The following CCT8 variants were observed in gnomAD, a reference collection of about 807,000 sequenced individuals.
CCT8 encodes T-complex protein 1 subunit theta.
In CCT8, 10 loss-of-function variants were observed where a neutral mutation model predicts 65.7. The observed-to-expected ratio is 0.15, with a 90% confidence interval of 0.09 to 0.26. CCT8 has a LOEUF of 0.26. Ranked by LOEUF, CCT8 falls within the 10% of genes least tolerant of loss-of-function variation. The probability of loss-of-function intolerance (pLI) is 1.00; values close to 1 mark genes in which losing one functional copy is unlikely to be tolerated. For synonymous variants in CCT8, 199 were observed against 221.8 expected (o/e 0.90, Z 0.92); for missense variants, 568 against 669.1 (o/e 0.85, Z 1.67).
At chr21:29,062,642 C>T in intron 8 of CCT8, 86 bp from the exon 9 acceptor site, 1 of 981,518 alleles carries the variant, frequency 1.0e-6, no homozygotes, top group South Asian at 1.4e-5. Flanking sequence ...ACCTGTATAC[C>T]AGCCCCCATG....
Position 29,067,554 on chromosome 21 carries a change from G to C in CCT8, c.381+2C>G, listed in dbSNP as rs763344961. Reference sequence around the variant, plus strand: ...AGGAGTAAATTATAAATGAACACTTGCCTCTGAAACTGACAGGCCAATCCT... The same window carrying C: ...AGGAGTAAATTATAAATGAACACTTCCCTCTGAAACTGACAGGCCAATCCT... On this transcript the variant is annotated splice_donor_variant, in intron 4 of 14. Transcript: ENST00000286788. LOFTEE classifies it high-confidence loss of function. The C allele has an allele frequency of 2.8e-6, 4 of 1,442,442 alleles. No homozygotes were observed. The highest frequency in any genetic ancestry group is 3.0e-5 in the African/African-American group (2 of 67,454). 89.4% of individuals were successfully genotyped at this position (1,442,442 alleles called of 1,614,324 possible). A position where few individuals can be genotyped will look rare whatever the true frequency, so the allele number is the denominator to read the frequency against.
intron 7 of CCT8, among the ~76,000 whole-genome samples, chr21:29,064,484 C>G (rs77396494): frequency 6.0e-5 from 9 of 151,076 alleles, no homozygotes; most frequent in Admixed American, 2.0e-4. Flanking sequence ...CCAGACCCCC[C>G]TCATGCTACA....
At chr21:29,057,450 C>T (rs2085510545) in intron 14 of CCT8, among the ~76,000 whole-genome samples, 1 of 151,562 alleles carries the variant, frequency 6.6e-6, no homozygotes, top group Admixed American at 6.6e-5. Context: ...TAGGTGTGAG[C>T]CACTGCGCTC....
In CCT8 at chr21:29,061,511, G is replaced by T; in HGVS notation, c.1269C>A (p.Ile423=). 3 of 1,613,830 alleles carry T rather than the reference G, an allele frequency of 1.9e-6. No homozygotes were observed. The highest frequency in any genetic ancestry group is 2.5e-6 in the Non-Finnish European group (3 of 1,179,810). The change falls in exon 12 of 15, where the codon ATC becomes ATA. Residue 423 remains isoleucine (I), a synonymous_variant. Transcript: ENST00000286788. ...AAAGCTGTACCTCTCCATATGATGTGATCTGTTTGGCTAATTCAATTTCTG... is the reference window on the plus strand; with the variant it reads ...AAAGCTGTACCTCTCCATATGATGTTATCTGTTTGGCTAATTCAATTTCTG... The part of the protein sequence containing the change: ...GATEIELAKQ[I]TSYGETCPGL...
At chr21:29,073,208 C>T in intron 1 of CCT8, 1 of 1,138,558 alleles carries the variant, frequency 8.8e-7, no homozygotes, top group Non-Finnish European at 1.1e-6. Context: ...CTCACAACCT[C>T]CTTTAAGGGT....
Position 29,056,517 on chromosome 21 carries a change from A to G in CCT8, c.1605T>C (p.Pro535=). ...IMAKPAGGPK[P]PSGKKDWDDD... is the part of the protein sequence containing the mutation. ...CATCCCAGTCTTTCTTCCCACTTGG[A>G]GGCTTGGGCCCACCAGCTGGTTTTG... The change falls in exon 15 of 15, where the codon CCT becomes CCC. Residue 535 remains proline, a synonymous_variant. Transcript: ENST00000286788. 6.4e-7 allele frequency: 1 copy of G among 1,553,138 alleles called. No homozygotes were observed. Among genetic ancestry groups the G allele is most frequent in the Non-Finnish European group, 8.7e-7 (1 of 1,149,434 alleles).
intron 14 of CCT8, among the ~76,000 whole-genome samples, chr21:29,057,808 ATGATATATACATATGATATGTG>A (rs1169692622): frequency 2.7e-5 from 4 of 149,846 alleles, no homozygotes; most frequent in African/African-American, 9.8e-5. Flanking sequence ...ATACATATGT[ATGATATATACATATGATATGTG>A]TGATATATAC....
rs760312150 is a variant in CCT8 at position 29,062,248 on chromosome 21, C to CA, written c.1097-6dup. The CA allele has an allele frequency of 4.3e-6, 7 of 1,610,890 alleles. No individual in the cohort carries two copies. The highest frequency in any genetic ancestry group is 1.3e-5 in the African/African-American group (1 of 74,760). ...AAATGGCGCCATCTTCCTTTTCTAT[C>CA]AAAAAATTAAATATATTTGGTGATT... On this transcript the variant is annotated splice_polypyrimidine_tract_variant and splice_region_variant and intron_variant, in intron 10 of 14. Transcript: ENST00000286788.
chr21:29,073,476 G>A, intron 1 of CCT8, 55 bp downstream of exon 1: 1 of 1,612,290 alleles, frequency 6.2e-7, no homozygotes, highest in Non-Finnish European at 8.5e-7. Context: ...CTTCGCCGCG[G>A]CCGCCGCAGC....
At position 29,061,382 on chromosome 21, in the gene CCT8, C is replaced by A; in HGVS notation, c.1320G>T (p.Lys440Asn). ...GAATAGCTTCAAATGCCTCAGCAAA[C>A]TTCTTAATAGCATACTGTTCAAGTC... ...CPGLEQYAIK[K>N]FAEAFEAIPR... The change falls in exon 13 of 15, where the codon AAG becomes AAT. Residue 440 changes from lysine (K) to asparagine (N), a missense_variant. By Grantham distance (94) the Lys-to-Asn change is moderately conservative. Coordinates refer to ENST00000286788, the MANE Select transcript of CCT8 (RefSeq NM_006585.4). 3 of 1,614,058 alleles carry A rather than the reference C, an allele frequency of 1.9e-6. No homozygotes were observed. The highest frequency in any genetic ancestry group is 2.5e-6 in the Non-Finnish European group (3 of 1,179,948).
intron 14 of CCT8, chr21:29,059,874 T>A (rs931148919): frequency 2.0e-5 from 3 of 152,196 alleles, no homozygotes; most frequent in Admixed American, 2.0e-4. Flanking sequence ...ACCTTTAATA[T>A]GACATATGAC....
At chr21:29,072,122 G>T (rs2085687591) in intron 1 of CCT8, 2 of 607,342 alleles carry the variant, frequency 3.3e-6, no homozygotes, top group Non-Finnish European at 5.8e-6. Flanking sequence ...CCAGGCTCAG[G>T]GGCTTCTCTC....
chr21:29,067,984 T>A (rs2085642495), intron 3 of CCT8, among the ~76,000 whole-genome samples: 2 of 152,228 alleles, frequency 1.3e-5, no homozygotes, highest in South Asian at 4.1e-4. Context: ...TTTCACCATA[T>A]CATATTTCAC....
chr21:29,064,871 TCA>T, intron 7 of CCT8, 95 bp downstream of exon 7: 1 of 1,009,332 alleles, frequency 9.9e-7, no homozygotes, highest in Non-Finnish European at 1.5e-6. Context: ...CCTGCAATGT[TCA>T]GTTTTTTAAG....
At chr21:29,069,578 T>C in intron 2 of CCT8, 76 bp from the exon 3 acceptor site, 1 of 803,066 alleles carries the variant, frequency 1.2e-6, no homozygotes, top group Non-Finnish European at 2.0e-6. Context: ...CAGGAAAATC[T>C]AGTTAAGAAA....
At chr21:29,072,037 C>A in intron 1 of CCT8, 1 of 692,930 alleles carries the variant, frequency 1.4e-6, no homozygotes, top group South Asian at 1.5e-5. Flanking sequence ...AAAATCATTC[C>A]TTCCTCAGGG....
At position 29,066,952 on chromosome 21, in the gene CCT8, G is replaced by A. The variant is rs766233365; in HGVS notation, c.501C>T (p.Ser167=). The A allele has an allele frequency of 6.2e-7, 1 of 1,613,560 alleles. No individual in the cohort carries two copies. The highest frequency in any genetic ancestry group is 8.5e-7 in the Non-Finnish European group (1 of 1,179,616). Residue 167 remains serine, a synonymous_variant, in exon 5 of 15, where the codon TCC becomes TCT. Transcript: ENST00000286788. The part of the protein sequence containing the change: ...IDEVSSLLRT[S]IMSKQYGNEV... ...CATTACCATATTGTTTACTCATTAT[G>A]GAGGTACGAAGTAGAGATGAGACTT...
chr21:29,067,823 A>G, intron 3 of CCT8, 118 bp from the exon 4 acceptor site: 1 of 588,104 alleles, frequency 1.7e-6, no homozygotes, highest in Non-Finnish European at 2.7e-6. Context: ...CCATCTGATC[A>G]CACTGCTACA....
chr21:29,058,039 C>G (rs534558663), intron 14 of CCT8: 2 of 151,878 alleles, frequency 1.3e-5, no homozygotes, highest in East Asian at 3.9e-4. Context: ...AAAAAGATAC[C>G]TAAACCTGAA....
Sources: gnomAD v4.1 joint callset for allele counts (sites outside exome capture counted in the v4.1 genomes callset) on GRCh38, gnomAD v4.1.1 for gene constraint, MANE v1.5 for transcripts, NCBI Gene and HGNC (gene_info 2026-07-23, HGNC 2026-07-21) for gene names.